DCC: variants seen among roughly 807,000 people sequenced by gnomAD.
The protein encoded by DCC is DCC netrin 1 receptor.
Under a neutral mutation model 172.5 loss-of-function variants are expected in DCC, and 58 were observed. That is an observed-to-expected ratio of 0.34 (90% CI 0.27 to 0.42). The LOEUF (loss-of-function observed/expected upper bound fraction) is 0.42. Ranked by LOEUF, DCC falls within the 10% of genes least tolerant of loss-of-function variation. DCC has a pLI of 1.00. For synonymous variants in DCC, 709 were observed against 644.5 expected (o/e 1.10, Z -1.52); for missense variants, 1,740 against 1,791.0 (o/e 0.97, Z 0.51).
At chr18:53,293,529 T>C (rs998890360) in intron 12 of DCC, among the ~76,000 whole-genome samples, 2 of 152,182 alleles carry the variant, frequency 1.3e-5, no homozygotes, top group Non-Finnish European at 2.9e-5. Flanking sequence ...ATAGGTAAAC[T>C]TGTGTCATAG....
At chr18:53,165,178 G>T (rs1449380281) in intron 8 of DCC, among the ~76,000 whole-genome samples, 1 of 152,076 alleles carries the variant, frequency 6.6e-6, no homozygotes, top group South Asian at 2.1e-4. Flanking sequence ...AGCAGAGAAG[G>T]CTCCAAGATA....
At chr18:52,561,397 A>G (rs545327460) in intron 1 of DCC, among the ~76,000 whole-genome samples, 1 of 151,922 alleles carries the variant, frequency 6.6e-6, no homozygotes. Context: ...ACACACACAC[A>G]TATATAAATA....
intron 9 of DCC, among the ~76,000 whole-genome samples, chr18:53,182,156 A>G (rs1283778234): frequency 1.3e-5 from 2 of 152,228 alleles, no homozygotes; most frequent in African/African-American, 4.8e-5. Context: ...AAACATGCTG[A>G]TTGTTGGTAT....
At chr18:53,416,940 A>G (rs1910345582) in intron 21 of DCC, among the ~76,000 whole-genome samples, 1 of 152,138 alleles carries the variant, frequency 6.6e-6, no homozygotes, top group African/African-American at 2.4e-5. Flanking sequence ...TATGAGTTTT[A>G]TTTTTTTGAG....
At chr18:52,903,246 C>T (rs2039835229) in intron 2 of DCC, among the ~76,000 whole-genome samples, 1 of 152,166 alleles carries the variant, frequency 6.6e-6, no homozygotes, top group Non-Finnish European at 1.5e-5. Flanking sequence ...CACTCTCTTG[C>T]CCAGGCTACA....
chr18:52,615,863 G>T (rs2034370853), intron 1 of DCC, among the ~76,000 whole-genome samples: 1 of 152,082 alleles, frequency 6.6e-6, no homozygotes, highest in Non-Finnish European at 1.5e-5. Context: ...GTTTTTCTTA[G>T]TTTACAGAAA....
chr18:53,171,357 A>C (rs951174706), intron 8 of DCC, among the ~76,000 whole-genome samples: 1 of 152,214 alleles, frequency 6.6e-6, no homozygotes, highest in East Asian at 1.9e-4. Context: ...AGGTTGAACC[A>C]TAGAGTTGTC....
intron 1 of DCC, among the ~76,000 whole-genome samples, chr18:52,423,489 A>C (rs947657597): frequency 6.6e-6 from 1 of 151,894 alleles, no homozygotes; most frequent in African/African-American, 2.4e-5. Context: ...AGGCTTTCAA[A>C]CCTCCAGCAG....
chr18:53,067,634 C>G (rs375944298), intron 7 of DCC, among the ~76,000 whole-genome samples: 1 of 152,116 alleles, frequency 6.6e-6, no homozygotes, highest in Non-Finnish European at 1.5e-5. Context: ...ACAAAAGAAC[C>G]ATCCTGCTGC....
intron 1 of DCC, among the ~76,000 whole-genome samples, chr18:52,483,729 TG>T (rs929908257): frequency 1.2e-4 from 19 of 152,216 alleles, no homozygotes; most frequent in Middle Eastern, 3.4e-3. Flanking sequence ...AGGCTTTTCC[TG>T]GGTTTCTCAA....
At chr18:53,125,678 G>T (rs1428422766) in intron 7 of DCC, among the ~76,000 whole-genome samples, 1 of 152,026 alleles carries the variant, frequency 6.6e-6, no homozygotes. Flanking sequence ...TCATTGCTAA[G>T]TCTGGTTCCT....
chr18:52,828,406 C>T (rs543485879), intron 2 of DCC, among the ~76,000 whole-genome samples: 2 of 151,712 alleles, frequency 1.3e-5, no homozygotes, highest in Non-Finnish European at 2.9e-5. Context: ...CTTACAACCC[C>T]GTCTTATAAA....
At chr18:52,458,003 C>A (rs1988511657) in intron 1 of DCC, among the ~76,000 whole-genome samples, 2 of 152,132 alleles carry the variant, frequency 1.3e-5, no homozygotes, top group South Asian at 4.1e-4. Flanking sequence ...TCTGAGAGTG[C>A]TGGAGTCTGA....
intron 2 of DCC, among the ~76,000 whole-genome samples, chr18:52,817,921 C>T (rs896104384): frequency 6.6e-6 from 1 of 152,110 alleles, no homozygotes; most frequent in Non-Finnish European, 1.5e-5. Context: ...GAATGCTTTG[C>T]ATACTATGCT....
chr18:53,219,453 C>A (rs999377426), intron 12 of DCC, among the ~76,000 whole-genome samples: 2 of 152,068 alleles, frequency 1.3e-5, no homozygotes, highest in African/African-American at 4.8e-5. Flanking sequence ...AGTATTAACT[C>A]CCCTTTCCCC....
intron 27 of DCC, among the ~76,000 whole-genome samples, chr18:53,511,805 G>A (rs1390775693): frequency 1.3e-5 from 2 of 152,198 alleles, no homozygotes; most frequent in African/African-American, 2.4e-5. Flanking sequence ...GGCTCGGAGG[G>A]TCCTACGCCC....
Position 52,745,142 on chromosome 18 carries a change from C to T in DCC, c.92-6912C>T, listed in dbSNP as rs551141910. 2.2e-4 allele frequency among the ~76,000 whole-genome samples: 33 copies of T among 152,210 alleles called. No homozygotes were observed. The South Asian group carries it at 6.2e-3, about 29-fold the overall frequency. ...TTTCTTGATCCTTTCTCCACTTCAG[C>T]CTTTCAAAGAGAAATATATAATAAA... On this transcript the variant is annotated intron_variant, in intron 1 of 28. Coordinates refer to ENST00000442544, the MANE Select transcript of DCC (RefSeq NM_005215.4).
At chr18:53,505,713 A>G (rs2046164706) in intron 27 of DCC, among the ~76,000 whole-genome samples, 1 of 152,204 alleles carries the variant, frequency 6.6e-6, no homozygotes, top group African/African-American at 2.4e-5. Flanking sequence ...GAACTTTGTA[A>G]CCTAATAGAA....
At chr18:52,533,733 G>A (rs1273566658) in intron 1 of DCC, among the ~76,000 whole-genome samples, 4 of 152,078 alleles carry the variant, frequency 2.6e-5, no homozygotes, top group Non-Finnish European at 5.9e-5. Flanking sequence ...GTGAATACAA[G>A]TTTTTATTTA....
Sources: gnomAD v4.1 joint callset for allele counts (sites outside exome capture counted in the v4.1 genomes callset) on GRCh38, gnomAD v4.1.1 for gene constraint, MANE v1.5 for transcripts, NCBI Gene and HGNC (gene_info 2026-07-23, HGNC 2026-07-21) for gene names.